Variants in RLF observed in about 807,000 individuals in gnomAD.
The protein encoded by RLF is RLF zinc finger, also known as zinc finger protein Rlf.
Under a neutral mutation model 162.9 loss-of-function variants are expected in RLF, and 7 were observed. The observed-to-expected ratio is 0.04, with a 90% CI of 0.02 to 0.08. The LOEUF (loss-of-function observed/expected upper bound fraction) is 0.08. Ranked by LOEUF, RLF falls within the 10% of genes least tolerant of loss-of-function variation. The pLI is 1.00. For missense variants in RLF, 1,664 were observed against 2,244.7 expected, an observed-to-expected ratio of 0.74 and a Z score of 5.23; for synonymous variants, 782 against 791.5, an observed-to-expected ratio of 0.99 and a Z score of 0.20.
At chr1:40,171,272 T>G (rs1197091452) in intron 1 of RLF, among the ~76,000 whole-genome samples, 3 of 152,022 alleles carry the variant, frequency 2.0e-5, no homozygotes, top group Non-Finnish European at 4.4e-5. Context: ...TAAGTGATCC[T>G]CCCACCTCAG....
At chr1:40,207,392 TC>T (rs1642810554) in intron 5 of RLF, among the ~76,000 whole-genome samples, 1 of 152,240 alleles carries the variant, frequency 6.6e-6, no homozygotes, top group Non-Finnish European at 1.5e-5. Flanking sequence ...TATTTCTCTC[TC>T]TCAGCTTTAT....
chr1:40,195,168 G>A (rs538576835), intron 3 of RLF, among the ~76,000 whole-genome samples: 2 of 151,748 alleles, frequency 1.3e-5, no homozygotes, highest in East Asian at 3.9e-4. Context: ...CAGCAACAGA[G>A]GCTGGACGCG....
intron 6 of RLF, among the ~76,000 whole-genome samples, chr1:40,230,409 T>C (rs1450595961): frequency 6.6e-6 from 1 of 152,136 alleles, no homozygotes; most frequent in Non-Finnish European, 1.5e-5. Context: ...TAGCATTCTT[T>C]TTAGTTTAGT....
chr1:40,229,448 C>CTTTTTTTTTTT (rs1005418216), intron 6 of RLF, among the ~76,000 whole-genome samples: 2 of 90,982 alleles, frequency 2.2e-5, no homozygotes, highest in Non-Finnish European at 4.2e-5. Flanking sequence ...ATTCATTTAT[C>CTTTTTTTTTTT]TTTTTTTTTT....
Position 40,235,799 on chromosome 1 carries a change from A to G in RLF, c.1097A>G (p.Asp366Gly), listed in dbSNP as rs760764033. 2 of 1,556,270 alleles carry G rather than the reference A, an allele frequency of 1.3e-6. No individual in the cohort carries two copies. Among genetic ancestry groups the G allele is most frequent in the East Asian group, 4.6e-5 (2 of 43,418 alleles). Residue 366 changes from aspartate (D) to glycine (G), a missense_variant, in exon 8 of 8, where the codon GAT becomes GGT. Transcript: ENST00000372771. ...LIRVIQTEAQ[D>G]AGLGVSILLC... Reference sequence around the variant, plus strand: ...ATCCTCTTTTACTTACAGGCACAAGATGCTGGTCTTGGGGTGTCAATTTTA... The same window carrying G: ...ATCCTCTTTTACTTACAGGCACAAGGTGCTGGTCTTGGGGTGTCAATTTTA...
chr1:40,203,941 C>G (rs1351252070), intron 5 of RLF, among the ~76,000 whole-genome samples: 1 of 152,022 alleles, frequency 6.6e-6, no homozygotes, highest in East Asian at 1.9e-4. Flanking sequence ...TTCATTTTCC[C>G]TTATCCCCCT....
intron 6 of RLF, among the ~76,000 whole-genome samples, chr1:40,227,794 G>A (rs1354675410): frequency 2.0e-5 from 3 of 152,104 alleles, no homozygotes; most frequent in Non-Finnish European, 2.9e-5. Flanking sequence ...CATGAGTTCC[G>A]GAGTTCAAGA....
intron 5 of RLF, among the ~76,000 whole-genome samples, chr1:40,217,802 A>G (rs969612631): frequency 1.3e-5 from 2 of 151,910 alleles, no homozygotes; most frequent in Non-Finnish European, 2.9e-5. Context: ...GAAAAACCCA[A>G]CTCCTACTTA....
chr1:40,214,790 G>A (rs1440087940), intron 5 of RLF, among the ~76,000 whole-genome samples: 1 of 151,392 alleles, frequency 6.6e-6, no homozygotes, highest in Non-Finnish European at 1.5e-5. Context: ...GGGTGTGGTA[G>A]TGTGCACCTG....
intron 1 of RLF, among the ~76,000 whole-genome samples, chr1:40,164,091 A>G (rs1380047313): frequency 2.6e-5 from 4 of 152,354 alleles, no homozygotes; most frequent in Non-Finnish European, 5.9e-5. Flanking sequence ...AGCCTAGTTA[A>G]GACAGTTTTC....
intron 4 of RLF, among the ~76,000 whole-genome samples, chr1:40,197,039 G>T (rs1642647545): frequency 6.6e-6 from 1 of 152,132 alleles, no homozygotes; most frequent in Non-Finnish European, 1.5e-5. Flanking sequence ...TTAGGTCTTA[G>T]AACTAGCCAT....
intron 3 of RLF, among the ~76,000 whole-genome samples, chr1:40,195,122 A>G (rs1642616166): frequency 6.6e-6 from 1 of 151,224 alleles, no homozygotes; most frequent in Non-Finnish European, 1.5e-5. Flanking sequence ...GGCATGAGCC[A>G]CTGTGCCTGG....
At chr1:40,189,352 A>G in intron 2 of RLF, 143 bp downstream of exon 2, 1 of 637,554 alleles carries the variant, frequency 1.6e-6, no homozygotes, top group Non-Finnish European at 2.6e-6. Context: ...CTTCCTACTC[A>G]CGTTCCCAGG....
chr1:40,172,255 T>G (rs1189104831), intron 1 of RLF, among the ~76,000 whole-genome samples: 1 of 152,220 alleles, frequency 6.6e-6, no homozygotes, highest in African/African-American at 2.4e-5. Context: ...ATCTTTCCAG[T>G]CACTTCCCAG....
At chr1:40,174,908 TAAATC>T (rs1038927764) in intron 1 of RLF, among the ~76,000 whole-genome samples, 2 of 152,132 alleles carry the variant, frequency 1.3e-5, no homozygotes, top group African/African-American at 2.4e-5. Context: ...ATGAAAATGT[TAAATC>T]AAAGGGCCAA....
intron 1 of RLF, among the ~76,000 whole-genome samples, chr1:40,179,728 A>G (rs1437808877): frequency 6.6e-6 from 1 of 152,116 alleles, no homozygotes; most frequent in African/African-American, 2.4e-5. Flanking sequence ...GAAAGTATGT[A>G]CCCATTAAAT....
intron 2 of RLF, among the ~76,000 whole-genome samples, chr1:40,190,218 A>T (rs903518971): frequency 3.9e-5 from 6 of 152,166 alleles, no homozygotes; most frequent in African/African-American, 1.4e-4. Flanking sequence ...GTTGTAGTGC[A>T]TTTCTTTTTT....
chr1:40,206,830 G>A (rs1642802374), intron 5 of RLF, among the ~76,000 whole-genome samples: 1 of 152,146 alleles, frequency 6.6e-6, no homozygotes, highest in African/African-American at 2.4e-5. Flanking sequence ...CCTTCCACAA[G>A]ATAATTTGAA....
intron 5 of RLF, among the ~76,000 whole-genome samples, chr1:40,216,458 A>G (rs1368016638): frequency 6.6e-6 from 1 of 151,708 alleles, no homozygotes; most frequent in Non-Finnish European, 1.5e-5. Flanking sequence ...ATTGCACTCC[A>G]GCTTGGGCAA....
Sources: allele counts gnomAD v4.1 joint callset (sites outside exome capture counted in the v4.1 genomes callset), GRCh38; gene constraint gnomAD v4.1.1; transcripts MANE v1.5; gene names NCBI Gene and HGNC (gene_info 2026-07-23, HGNC 2026-07-21).